The following GARRE1 variants were observed in gnomAD, a reference collection of about 807,000 sequenced individuals.
GARRE1 encodes the protein granule associated Rac and RHOG effector protein 1.
GARRE1 carries 49 observed loss-of-function variants against 103.2 expected under a neutral mutation model. That is an observed-to-expected ratio of 0.47 (90% CI 0.38 to 0.60). GARRE1 has a LOEUF of 0.60. Ranked by LOEUF, GARRE1 falls within the 20% of genes least tolerant of loss-of-function variation. GARRE1 has a pLI of 0.00. For synonymous variants in GARRE1, 505 were observed against 532.8 expected (o/e 0.95, Z 0.72); for missense variants, 1,199 against 1,370.5 (o/e 0.87, Z 1.98).
intron 1 of GARRE1, among the ~76,000 whole-genome samples, chr19:34,255,601 G>T (rs908044456): frequency 6.6e-6 from 1 of 151,638 alleles, no homozygotes; most frequent in Non-Finnish European, 1.5e-5. Flanking sequence ...TTTAACCACC[G>T]ATGAGCATTG....
At chr19:34,350,632 A>AGT (rs1475322563) in intron 12 of GARRE1, among the ~76,000 whole-genome samples, 3 of 152,116 alleles carry the variant, frequency 2.0e-5, no homozygotes, top group Non-Finnish European at 4.4e-5. Context: ...CCCAGGCTGG[A>AGT]GTGCAGTGGC....
intron 1 of GARRE1, among the ~76,000 whole-genome samples, chr19:34,294,775 G>T (rs2073938386): frequency 1.3e-5 from 2 of 152,150 alleles, no homozygotes; most frequent in South Asian, 4.1e-4. Flanking sequence ...TGTGATCCAA[G>T]CAATTCTCAT....
Position 34,328,054 on chromosome 19 carries a change from A to C in GARRE1, c.1007A>C (p.Gln336Pro), listed in dbSNP as rs774297290. ...GRRQTPPQPM[Q>P]CELPTVPVQI... is the part of the protein sequence containing the mutation. ...AGGCAGACACCCCCGCAGCCCATGC[A>C]GTGTGAGCTCCCCACCGTCCCTGTG... Residue 336 changes from glutamine to proline, a missense_variant, in exon 6 of 14, where the codon CAG becomes CCG. Physicochemically the swap from Gln to Pro is moderately conservative, Grantham distance 76. Transcript: ENST00000299505. 6.8e-6 allele frequency: 11 copies of C among 1,614,190 alleles called. No homozygotes were observed. In the East Asian group the frequency reaches 2.5e-4, roughly 36 times the overall value.
chr19:34,277,079 C>G (rs544151408), intron 1 of GARRE1, among the ~76,000 whole-genome samples: 1 of 152,014 alleles, frequency 6.6e-6, no homozygotes, highest in Non-Finnish European at 1.5e-5. Flanking sequence ...AGGAGGGAGG[C>G]AGGAGCTTTC....
At chr19:34,303,895 G>T (rs2073993701) in intron 2 of GARRE1, among the ~76,000 whole-genome samples, 1 of 152,012 alleles carries the variant, frequency 6.6e-6, no homozygotes, top group Admixed American at 6.6e-5. Context: ...GGATTTACAG[G>T]TGTAAGCCAC....
At chr19:34,296,132 T>C in intron 1 of GARRE1, 1 of 341,184 alleles carries the variant, frequency 2.9e-6, no homozygotes, top group Non-Finnish European at 5.2e-6. Context: ...GTATTTGTTT[T>C]AGTCATCCTG....
intron 7 of GARRE1, among the ~76,000 whole-genome samples, chr19:34,331,202 A>T (rs1194383860): frequency 1.4e-5 from 2 of 146,312 alleles, no homozygotes; most frequent in African/African-American, 2.5e-5. Context: ...CCCGGCCCTT[A>T]AAAAAAAAAG....
At chr19:34,312,594 G>C (rs886124358) in intron 2 of GARRE1, among the ~76,000 whole-genome samples, 4 of 152,110 alleles carry the variant, frequency 2.6e-5, no homozygotes, top group African/African-American at 4.8e-5. Flanking sequence ...TGTCTTTAAG[G>C]CTCATTCATG....
rs781382903 is a variant in GARRE1, at chr19:34,327,737, A to G, written c.847-34A>G. ...ACTTTGTCATCTTATAATTTGCTTT[A>G]CGATCTTGATTGTTAAAAATAATTT... On this transcript the variant is annotated intron_variant, in intron 4 of 13. Transcript: ENST00000299505. 3 of 1,580,460 alleles carry G rather than the reference A, an allele frequency of 1.9e-6. No individual in the cohort carries two copies. The South Asian group carries it at 3.4e-5, about 18-fold the overall frequency.
chr19:34,276,955 A>G (rs1191603361), intron 1 of GARRE1, among the ~76,000 whole-genome samples: 3 of 152,208 alleles, frequency 2.0e-5, no homozygotes, highest in Admixed American at 6.6e-5. Flanking sequence ...AAGATAAGAC[A>G]GCATTGTAGG....
At chr19:34,338,874 T>C (rs1470421215) in intron 8 of GARRE1, among the ~76,000 whole-genome samples, 1 of 152,052 alleles carries the variant, frequency 6.6e-6, no homozygotes, top group Non-Finnish European at 1.5e-5. Context: ...CTGGCCCCTA[T>C]ATGAAGGATG....
At chr19:34,276,391 C>A (rs2073817247) in intron 1 of GARRE1, among the ~76,000 whole-genome samples, 2 of 152,034 alleles carry the variant, frequency 1.3e-5, no homozygotes, top group South Asian at 4.2e-4. Flanking sequence ...AGTTGCAAAA[C>A]CTGAAACTTT....
At position 34,303,368 on chromosome 19, in the gene GARRE1, G is replaced by A. The variant is rs149347302; in HGVS notation, c.495+2400G>A. ...CTTTTGGGTCGGATCTGATTATTTA[G>A]GTGCCTGAATAAGCTAACTAACACT... is the stretch of plus-strand genomic sequence containing the variant. On this transcript the variant is annotated intron_variant, in intron 2 of 13. Coordinates refer to ENST00000299505, the MANE Select transcript of GARRE1 (RefSeq NM_014686.5). 3.0e-4 allele frequency among the ~76,000 whole-genome samples: 46 copies of A among 152,258 alleles called. No individual in the cohort carries two copies. In the East Asian group the frequency reaches 7.1e-3, roughly 24 times the overall value.
At chr19:34,272,854 A>T (rs1451100691) in intron 1 of GARRE1, among the ~76,000 whole-genome samples, 1 of 152,198 alleles carries the variant, frequency 6.6e-6, no homozygotes, top group Non-Finnish European at 1.5e-5. Flanking sequence ...TGAAGAACTC[A>T]CTTCATCTTA....
chr19:34,271,725 G>A (rs983915078), intron 1 of GARRE1, among the ~76,000 whole-genome samples: 2 of 152,080 alleles, frequency 1.3e-5, no homozygotes, highest in Non-Finnish European at 2.9e-5. Flanking sequence ...AATTAGCTGA[G>A]CTACTTAGGA....
intron 1 of GARRE1, chr19:34,296,220 G>A (rs73926708): frequency 0.016 from 8,839 of 562,602 alleles, 489 homozygotes; most frequent in East Asian, 0.13. Context: ...CATGCAGACG[G>A]CAGCCCGAGG....
intron 1 of GARRE1, among the ~76,000 whole-genome samples, chr19:34,294,103 A>G (rs775763707): frequency 7.9e-5 from 12 of 151,930 alleles, no homozygotes; most frequent in Non-Finnish European, 4.4e-5. Flanking sequence ...CTAAATTATC[A>G]GGTGGACTGT....
At chr19:34,301,072 G>C in intron 2 of GARRE1, 104 bp downstream of exon 2, 2 of 1,217,034 alleles carry the variant, frequency 1.6e-6, no homozygotes, top group Non-Finnish European at 2.3e-6. Context: ...AGTAGCCTTT[G>C]TCCTCTTGCT....
intron 2 of GARRE1, among the ~76,000 whole-genome samples, chr19:34,314,934 T>G (rs2074053368): frequency 2.0e-5 from 3 of 152,206 alleles, no homozygotes; most frequent in Admixed American, 2.0e-4. Flanking sequence ...ATGACTCGAA[T>G]GATCATCAGA....
Sources: gnomAD v4.1 joint callset for allele counts (sites outside exome capture counted in the v4.1 genomes callset) on GRCh38, gnomAD v4.1.1 for gene constraint, MANE v1.5 for transcripts, NCBI Gene and HGNC (gene_info 2026-07-23, HGNC 2026-07-21) for gene names.